ASTN2: variants seen among roughly 807,000 people sequenced by gnomAD.
ASTN2 encodes the protein astrotactin-2.
A neutral mutation model predicts 139.8 loss-of-function variants in ASTN2; 54 were observed. The observed-to-expected ratio is 0.39, with a 90% CI of 0.31 to 0.48. The LOEUF (loss-of-function observed/expected upper bound fraction) is 0.48, where lower values mean the gene tolerates loss of function less well. ASTN2 is among the 20% of genes least tolerant of loss of function. The probability of loss-of-function intolerance (pLI) is 0.95; values close to 1 mark genes in which losing one functional copy is unlikely to be tolerated. For missense variants in ASTN2, 1,565 were observed against 1,725.1 expected, an observed-to-expected ratio of 0.91 and a Z score of 1.64; for synonymous variants, 756 against 719.5, an observed-to-expected ratio of 1.05 and a Z score of -0.81.
intron 3 of ASTN2, among the ~76,000 whole-genome samples, chr9:117,213,133 G>A (rs1018520857): frequency 3.3e-5 from 5 of 152,084 alleles, no homozygotes; most frequent in South Asian, 4.1e-4. Flanking sequence ...CATTTATGGC[G>A]ACCTTGATGG....
At chr9:116,797,403 GGTT>G (rs1382724606) in intron 13 of ASTN2, among the ~76,000 whole-genome samples, 1 of 151,552 alleles carries the variant, frequency 6.6e-6, no homozygotes, top group African/African-American at 2.4e-5. Context: ...AAAGAAAAGA[GGTT>G]TTTTTTTCTG....
chr9:116,577,454 C>T (rs573105372), intron 19 of ASTN2, among the ~76,000 whole-genome samples: 96 of 151,552 alleles, frequency 6.3e-4, no homozygotes, highest in African/African-American at 2.2e-3. Flanking sequence ...CACTTGAGCC[C>T]GGGGGAGGTC....
At chr9:116,903,674 T>C (rs1834078838) in intron 10 of ASTN2, among the ~76,000 whole-genome samples, 1 of 152,198 alleles carries the variant, frequency 6.6e-6, no homozygotes, top group South Asian at 2.1e-4. Context: ...AGGTTCCTTG[T>C]TGAGATGGAC....
chr9:117,258,009 C>G (rs1246343454), intron 2 of ASTN2, among the ~76,000 whole-genome samples: 1 of 152,106 alleles, frequency 6.6e-6, no homozygotes, highest in East Asian at 1.9e-4. Flanking sequence ...TGTCACTGCT[C>G]AAGATGCCAG....
chr9:117,376,090 C>A (rs887155501), intron 1 of ASTN2, among the ~76,000 whole-genome samples: 3 of 152,126 alleles, frequency 2.0e-5, no homozygotes, highest in African/African-American at 7.2e-5. Flanking sequence ...TCTACAAAGT[C>A]TCTTTTTCCA....
intron 17 of ASTN2, among the ~76,000 whole-genome samples, chr9:116,639,533 A>T (rs980277188): frequency 6.6e-6 from 1 of 152,140 alleles, no homozygotes; most frequent in African/African-American, 2.4e-5. Context: ...TGTTGACTGA[A>T]GTTGCCTAAT....
chr9:117,210,835 T>C (rs897885265), intron 3 of ASTN2, among the ~76,000 whole-genome samples: 2 of 151,710 alleles, frequency 1.3e-5, no homozygotes, highest in African/African-American at 4.8e-5. Context: ...ATCCAACATG[T>C]CAAAAAGATA....
intron 19 of ASTN2, among the ~76,000 whole-genome samples, chr9:116,586,612 T>C (rs928239236): frequency 8.6e-5 from 13 of 151,848 alleles, no homozygotes; most frequent in Non-Finnish European, 1.8e-4. Context: ...GGCATAAAGA[T>C]AGCAACAATA....
intron 1 of ASTN2, among the ~76,000 whole-genome samples, chr9:117,310,784 C>A (rs1413261506): frequency 6.6e-6 from 1 of 152,070 alleles, no homozygotes; most frequent in African/African-American, 2.4e-5. Flanking sequence ...GCCACCACAC[C>A]CAGATAATGT....
chr9:117,306,745 G>C (rs1440358439), intron 1 of ASTN2, among the ~76,000 whole-genome samples: 1 of 152,098 alleles, frequency 6.6e-6, no homozygotes, highest in Non-Finnish European at 1.5e-5. Flanking sequence ...CTAGGAGAAG[G>C]GGGGCCCATC....
chr9:116,442,563 A>G lies in ASTN2; in HGVS notation c.3498-10T>C, dbSNP rs1308601744. Reference sequence around the variant, plus strand: ...AGCATACAGAGTGAACCTGCAGCACAGCAAGAAAACAGAGCACCAGGCTGT... The same window carrying G: ...AGCATACAGAGTGAACCTGCAGCACGGCAAGAAAACAGAGCACCAGGCTGT... On this transcript the variant is annotated splice_polypyrimidine_tract_variant and intron_variant, in intron 20 of 22. Coordinates refer to ENST00000313400, the MANE Select transcript of ASTN2 (RefSeq NM_001365068.1). The G allele has an allele frequency of 6.2e-7, 1 of 1,613,540 alleles. No individual in the cohort carries two copies. The highest frequency in any genetic ancestry group is 8.5e-7 in the Non-Finnish European group (1 of 1,179,422).
At chr9:117,369,043 T>C (rs1318338426) in intron 1 of ASTN2, among the ~76,000 whole-genome samples, 1 of 152,170 alleles carries the variant, frequency 6.6e-6, no homozygotes, top group African/African-American at 2.4e-5. Context: ...AAACACAAGA[T>C]AATACTTGCC....
rs145360209 is a variant in ASTN2, at chr9:116,632,128, A to AAGAGAGAGAGAGAGAGAG, written c.3073-11703_3073-11686dup. Among the ~76,000 whole-genome samples the AAGAGAGAGAGAGAGAGAG allele has an allele frequency of 8.6e-4, 41 of 47,752 alleles. No individual in the cohort carries two copies. In the East Asian group the frequency reaches 0.026, roughly 30 times the overall value. The allele number at this position is 47,752 out of a possible 152,430, so 31.3% of individuals were successfully genotyped here. A position where few individuals can be genotyped will look rare whatever the true frequency, so the allele number is the denominator to read the frequency against. ...ACTGTGTCAAAAGAAAAAGAAAAAG[A>AAGAGAGAGAGAGAGAGAG]AGAGAGAGAGAGAGAGAGAGAGAGA... On this transcript the variant is annotated intron_variant, in intron 17 of 22. Coordinates refer to ENST00000313400, the MANE Select transcript of ASTN2 (RefSeq NM_001365068.1).
chr9:117,185,246 T>C (rs1188582347), intron 3 of ASTN2, among the ~76,000 whole-genome samples: 2 of 152,240 alleles, frequency 1.3e-5, no homozygotes, highest in Admixed American at 1.3e-4. Flanking sequence ...CTGTGGTGAA[T>C]TGCTTTTGTA....
intron 1 of ASTN2, among the ~76,000 whole-genome samples, chr9:117,336,208 T>C (rs1453694855): frequency 1.3e-5 from 2 of 152,104 alleles, no homozygotes; most frequent in African/African-American, 2.4e-5. Flanking sequence ...AGTGTGAGTG[T>C]ATGTATGAGC....
intron 1 of ASTN2, among the ~76,000 whole-genome samples, chr9:117,318,285 T>A (rs1438137753): frequency 6.6e-6 from 1 of 152,212 alleles, no homozygotes. Context: ...TCCTTATCAC[T>A]AAGTTTTGTG....
chr9:117,376,612 G>T (rs1830130603), intron 1 of ASTN2, among the ~76,000 whole-genome samples: 1 of 152,180 alleles, frequency 6.6e-6, no homozygotes, highest in African/African-American at 2.4e-5. Context: ...AGCAGGATTT[G>T]TGGGAGGAGC....
intron 3 of ASTN2, among the ~76,000 whole-genome samples, chr9:117,146,980 A>T (rs1003818151): frequency 6.6e-5 from 10 of 152,210 alleles, no homozygotes; most frequent in Non-Finnish European, 1.2e-4. Context: ...ATCATTGCAC[A>T]TTATGAGCAT....
intron 1 of ASTN2, among the ~76,000 whole-genome samples, chr9:117,357,431 T>G (rs901188482): frequency 2.0e-5 from 3 of 152,034 alleles, no homozygotes; most frequent in Non-Finnish European, 4.4e-5. Context: ...ACAAATGAAC[T>G]AATGAGGATT....
Sources: gnomAD v4.1 joint callset for allele counts (sites outside exome capture counted in the v4.1 genomes callset) on GRCh38, gnomAD v4.1.1 for gene constraint, MANE v1.5 for transcripts, NCBI Gene and HGNC (gene_info 2026-07-23, HGNC 2026-07-21) for gene names.